NRXN3: variants seen among roughly 807,000 people sequenced by gnomAD.
The protein encoded by NRXN3 is neurexin 3, also known as neurexin III.
Under a neutral mutation model 137.6 loss-of-function variants are expected in NRXN3, and 32 were observed. The ratio of observed to expected loss-of-function variants is 0.23; its 90% CI spans 0.18 to 0.31. The LOEUF (loss-of-function observed/expected upper bound fraction) is 0.31, where lower values mean the gene tolerates loss of function less well. Ranked by LOEUF, NRXN3 falls within the 10% of genes least tolerant of loss-of-function variation. The probability of loss-of-function intolerance (pLI) is 1.00; values close to 1 mark genes in which losing one functional copy is unlikely to be tolerated. For synonymous variants in NRXN3, 798 were observed against 784.5 expected, an observed-to-expected ratio of 1.02 and a Z score of -0.29; for missense variants, 1,574 against 2,062.5, an observed-to-expected ratio of 0.76 and a Z score of 4.59.
At chr14:79,102,076 G>T (rs986185587) in intron 15 of NRXN3, among the ~76,000 whole-genome samples, 1 of 152,114 alleles carries the variant, frequency 6.6e-6, no homozygotes, top group Non-Finnish European at 1.5e-5. Flanking sequence ...AGAGAGCATT[G>T]CTCTGCTCAT....
chr14:78,838,648 A>G (rs777540663), intron 10 of NRXN3, among the ~76,000 whole-genome samples: 9 of 152,188 alleles, frequency 5.9e-5, no homozygotes, highest in South Asian at 4.1e-4. Flanking sequence ...TTGACAATCA[A>G]TCTCCATTAG....
chr14:79,288,788 C>T (rs137941757), intron 15 of NRXN3, among the ~76,000 whole-genome samples: 61 of 152,298 alleles, frequency 4.0e-4, no homozygotes, highest in Non-Finnish European at 7.2e-4. Flanking sequence ...CAAGACTTTC[C>T]AATTCCTAAT....
At position 79,317,572 on chromosome 14, in the gene NRXN3, G is replaced by C. The variant is rs1294516646; in HGVS notation, c.3263-149649G>C. Among the ~76,000 whole-genome samples the C allele has an allele frequency of 3.3e-5, 5 of 152,072 alleles. No homozygotes were observed. The East Asian group carries it at 9.7e-4, about 29-fold the overall frequency. On this transcript the variant is annotated intron_variant, in intron 15 of 20. Coordinates refer to ENST00000335750, the MANE Select transcript of NRXN3 (RefSeq NM_001330195.2). Reference sequence around the variant, plus strand: ...AGGTCACACTCCGAGGTACTGGGGGGTTAGGATTTCATCATATCTTTTGGG... The same window carrying C: ...AGGTCACACTCCGAGGTACTGGGGGCTTAGGATTTCATCATATCTTTTGGG...
chr14:79,633,676 A>G (rs1488887265), intron 16 of NRXN3, among the ~76,000 whole-genome samples: 2 of 152,234 alleles, frequency 1.3e-5, no homozygotes, highest in African/African-American at 4.8e-5. Context: ...CACAAAGAAT[A>G]TTTTAAACGA....
intron 16 of NRXN3, among the ~76,000 whole-genome samples, chr14:79,499,215 A>G (rs2096796312): frequency 6.6e-6 from 1 of 152,118 alleles, no homozygotes; most frequent in Non-Finnish European, 1.5e-5. Flanking sequence ...CTACCTCTCA[A>G]TACCCTCCAG....
intron 19 of NRXN3, among the ~76,000 whole-genome samples, chr14:79,748,237 C>A (rs572264880): frequency 1.3e-5 from 2 of 149,954 alleles, no homozygotes; most frequent in Non-Finnish European, 1.5e-5. Flanking sequence ...AGCTTTATGC[C>A]AAAAAAAATT....
At chr14:79,295,086 C>T (rs1207176267) in intron 15 of NRXN3, among the ~76,000 whole-genome samples, 1 of 152,088 alleles carries the variant, frequency 6.6e-6, no homozygotes, top group African/African-American at 2.4e-5. Flanking sequence ...CAAAGGCTGG[C>T]CCCTTATCTT....
At chr14:79,806,871 A>G (rs1358560988) in intron 20 of NRXN3, among the ~76,000 whole-genome samples, 4 of 147,114 alleles carry the variant, frequency 2.7e-5, no homozygotes, top group Non-Finnish European at 4.5e-5. Context: ...ATAGGTCACA[A>G]TCCTCAATAC....
At chr14:78,943,780 G>C (rs77208024) in intron 10 of NRXN3, among the ~76,000 whole-genome samples, 258 of 149,834 alleles carry the variant, frequency 1.7e-3, no homozygotes, top group African/African-American at 6.1e-3. Flanking sequence ...GCAAAACTGT[G>C]GATTAAGCTT....
chr14:78,215,071 C>T (rs1211918071), intron 1 of NRXN3, among the ~76,000 whole-genome samples: 1 of 151,996 alleles, frequency 6.6e-6, no homozygotes, highest in Non-Finnish European at 1.5e-5. Flanking sequence ...TTTGTAAACT[C>T]TAAAGTATTT....
intron 15 of NRXN3, among the ~76,000 whole-genome samples, chr14:79,053,534 T>C (rs1179439208): frequency 6.6e-6 from 1 of 152,148 alleles, no homozygotes; most frequent in Non-Finnish European, 1.5e-5. Flanking sequence ...AGCTAAAATC[T>C]GAAAGAGGAG....
intron 4 of NRXN3, among the ~76,000 whole-genome samples, chr14:78,303,506 A>G (rs755923269): frequency 2.6e-5 from 4 of 152,164 alleles, no homozygotes; most frequent in Non-Finnish European, 4.4e-5. Flanking sequence ...GCAAAATTAA[A>G]ATTAAATCGG....
intron 8 of NRXN3, among the ~76,000 whole-genome samples, chr14:78,765,765 A>T (rs914280456): frequency 3.9e-5 from 6 of 152,168 alleles, no homozygotes; most frequent in Non-Finnish European, 8.8e-5. Context: ...ACATATATAC[A>T]TATATATCTT....
intron 19 of NRXN3, among the ~76,000 whole-genome samples, chr14:79,700,566 T>C (rs1382080163): frequency 6.6e-6 from 1 of 152,090 alleles, no homozygotes; most frequent in Non-Finnish European, 1.5e-5. Flanking sequence ...CCTCTAGTTC[T>C]TTCTTAAAGC....
At chr14:78,198,755 G>A (rs532447927) in intron 1 of NRXN3, among the ~76,000 whole-genome samples, 51 of 152,356 alleles carry the variant, frequency 3.3e-4, no homozygotes, top group African/African-American at 1.2e-3. Flanking sequence ...GCACTTAGAT[G>A]ACACCAATGG....
intron 4 of NRXN3, among the ~76,000 whole-genome samples, chr14:78,623,724 C>T (rs969312381): frequency 1.7e-4 from 26 of 152,084 alleles, no homozygotes; most frequent in Non-Finnish European, 2.2e-4. Flanking sequence ...CACACCACCA[C>T]GCCTGGCTAA....
chr14:79,862,547 T>A lies in NRXN3; in HGVS notation c.*583T>A, dbSNP rs1031777076. ...GACCAGTGTGCGTGTAACTTTATGATCTGAGGGGAAAAATGGCTTTTGGGT... is the reference window on the plus strand; with the variant it reads ...GACCAGTGTGCGTGTAACTTTATGAACTGAGGGGAAAAATGGCTTTTGGGT... On this transcript the variant is annotated 3_prime_UTR_variant, in exon 21 of 21. Coordinates refer to ENST00000335750, the MANE Select transcript of NRXN3 (RefSeq NM_001330195.2). The A allele has an allele frequency of 6.6e-6, 1 of 151,774 alleles. No homozygotes were observed. Among genetic ancestry groups the A allele is most frequent in the Non-Finnish European group, 1.5e-5 (1 of 67,926 alleles). 9.4% of individuals were successfully genotyped at this position (151,774 alleles called of 1,614,324 possible).
rs114912658 is a variant in NRXN3 at position 78,197,054 on chromosome 14, G to C, written c.-704+26380G>C. ...CCATTCCTGCTTGCTCTCTTTAGGA[G>C]ACCCTCCTGCTCCACAAACTGGAGC... On this transcript the variant is annotated intron_variant, in intron 1 of 20. Coordinates refer to ENST00000335750, the MANE Select transcript of NRXN3 (RefSeq NM_001330195.2). Among the ~76,000 whole-genome samples, 433 of 152,320 alleles carry C rather than the reference G, an allele frequency of 2.8e-3. 1 individual carries two copies. The highest frequency in any genetic ancestry group is 0.01 in the African/African-American group (417 of 41,572).
chr14:78,548,734 G>T (rs901819719), intron 4 of NRXN3, among the ~76,000 whole-genome samples: 1 of 152,048 alleles, frequency 6.6e-6, no homozygotes, highest in Non-Finnish European at 1.5e-5. Flanking sequence ...CTCACTAGAC[G>T]TATTCTATTC....
Sources: gnomAD v4.1 joint callset for allele counts (sites outside exome capture counted in the v4.1 genomes callset) on GRCh38, gnomAD v4.1.1 for gene constraint, MANE v1.5 for transcripts, NCBI Gene and HGNC (gene_info 2026-07-23, HGNC 2026-07-21) for gene names.